TSGA10: variants seen among roughly 807,000 people sequenced by gnomAD.
TSGA10 encodes the protein testis specific 10.
In TSGA10, 43 loss-of-function variants were observed where a neutral mutation model predicts 96.6. The ratio of observed to expected loss-of-function variants is 0.44; its 90% CI spans 0.35 to 0.57. The LOEUF is 0.57. Among genes scored for constraint, TSGA10 ranks in the 20% least tolerant of loss-of-function variants. TSGA10 has a pLI of 0.01. For synonymous variants in TSGA10, 229 were observed against 269.9 expected (o/e 0.85, Z 1.48); for missense variants, 703 against 834.4 (o/e 0.84, Z 1.94).
chr2:99,118,604 A>C lies in TSGA10; in HGVS notation c.-409T>G. 1.0e-6 allele frequency: 1 copy of C among 984,584 alleles called. No homozygotes were observed. Among genetic ancestry groups the C allele is most frequent in the Non-Finnish European group, 1.2e-6 (1 of 829,264 alleles). The allele number at this position is 984,584 out of a possible 1,614,324, so 61.0% of individuals were successfully genotyped here. A position where few individuals can be genotyped will look rare whatever the true frequency, so the allele number is the denominator to read the frequency against. On this transcript the variant is annotated 5_prime_UTR_variant, in exon 3 of 21. Coordinates refer to ENST00000393483, the MANE Select transcript of TSGA10 (RefSeq NM_025244.4). ...AGTATTTGCTGCCTAATGTGGAGGAACACAGCTTTCCTTCCCAGCCCACTA... is the reference window on the plus strand; with the variant it reads ...AGTATTTGCTGCCTAATGTGGAGGACCACAGCTTTCCTTCCCAGCCCACTA...
chr2:99,087,559 A>G (rs928656544), intron 10 of TSGA10, among the ~76,000 whole-genome samples: 1 of 152,136 alleles, frequency 6.6e-6, no homozygotes, highest in African/African-American at 2.4e-5. Context: ...ATGGTAGCGC[A>G]TACCTTTACT....
chr2:99,018,428 C>A, intron 19 of TSGA10, 79 bp from the exon 20 acceptor site: 4 of 1,575,274 alleles, frequency 2.5e-6, no homozygotes, highest in Non-Finnish European at 3.5e-6. Context: ...TCAATTCATA[C>A]TTGAAAATCT....
Position 99,117,674 on chromosome 2 carries a change from A to G in TSGA10, c.-270T>C, listed in dbSNP as rs1031781323. ...CTCATTGTGGCTGGTTAAATCATCT[A>G]CTTGACTGCTTACCACCTCCTTACT... On this transcript the variant is annotated 5_prime_UTR_variant, in exon 4 of 21. Transcript: ENST00000393483. The G allele has an allele frequency of 1.0e-5, 10 of 985,760 alleles. No homozygotes were observed. Among genetic ancestry groups the G allele is most frequent in the Non-Finnish European group, 1.1e-5 (9 of 829,872 alleles). 61.1% of individuals were successfully genotyped at this position (985,760 alleles called of 1,614,324 possible).
chr2:99,078,549 A>C, intron 12 of TSGA10, 110 bp downstream of exon 12: 1 of 1,166,274 alleles, frequency 8.6e-7, no homozygotes, highest in Non-Finnish European at 1.2e-6. Context: ...CTAGAAAAAC[A>C]TTTGAGAAAA....
chr2:99,037,522 G>A (rs1401945899), intron 16 of TSGA10, among the ~76,000 whole-genome samples: 1 of 152,156 alleles, frequency 6.6e-6, no homozygotes, highest in East Asian at 1.9e-4. Flanking sequence ...TTATAGCACT[G>A]AGTGCATATA....
chr2:99,046,530 C>A (rs2082791346), intron 16 of TSGA10, among the ~76,000 whole-genome samples: 1 of 152,058 alleles, frequency 6.6e-6, no homozygotes, highest in South Asian at 2.1e-4. Flanking sequence ...CCAATGAGAA[C>A]AAAGACACAA....
intron 16 of TSGA10, 28 bp downstream of exon 16, chr2:99,064,911 T>C (rs1243996854): frequency 4.6e-6 from 7 of 1,533,970 alleles, no homozygotes; most frequent in Non-Finnish European, 6.1e-6. Context: ...ATGCAGGATG[T>C]ATTATAAGCA....
At chr2:99,035,190 G>A in intron 17 of TSGA10, 40 bp downstream of exon 17, 1 of 1,443,162 alleles carries the variant, frequency 6.9e-7, no homozygotes, top group Non-Finnish European at 9.4e-7. Flanking sequence ...TAACTTTACA[G>A]TAATAGCAAT....
intron 1 of TSGA10, among the ~76,000 whole-genome samples, chr2:99,138,611 C>A (rs893505270): frequency 6.6e-6 from 1 of 152,182 alleles, no homozygotes; most frequent in Non-Finnish European, 1.5e-5. Context: ...TTTTAGGAAG[C>A]ATGATTGTGA....
chr2:99,019,508 C>T (rs1048087031), intron 18 of TSGA10, among the ~76,000 whole-genome samples: 1 of 152,176 alleles, frequency 6.6e-6, no homozygotes, highest in African/African-American at 2.4e-5. Context: ...CTGAAGGAAA[C>T]TGGCCCTGGC....
intron 14 of TSGA10, among the ~76,000 whole-genome samples, chr2:99,070,484 T>G (rs1414989943): frequency 1.3e-5 from 2 of 152,174 alleles, no homozygotes; most frequent in Non-Finnish European, 2.9e-5. Context: ...TTAAGTGCAC[T>G]GTATAGCAAT....
At chr2:99,111,215 G>A (rs1438337566) in intron 4 of TSGA10, among the ~76,000 whole-genome samples, 1 of 151,996 alleles carries the variant, frequency 6.6e-6, no homozygotes, top group Non-Finnish European at 1.5e-5. Flanking sequence ...CAATTCTGAA[G>A]ATAATAGGAA....
chr2:99,034,362 A>C (rs1349893125), intron 17 of TSGA10, among the ~76,000 whole-genome samples: 1 of 152,074 alleles, frequency 6.6e-6, no homozygotes. Flanking sequence ...AGATCATGCC[A>C]CTGCACTCCA....
chr2:99,028,651 T>A (rs898499294), intron 17 of TSGA10, among the ~76,000 whole-genome samples: 9 of 142,038 alleles, frequency 6.3e-5, no homozygotes, highest in East Asian at 2.5e-4. Flanking sequence ...ATCACCACCA[T>A]TCTACTCTCT....
intron 10 of TSGA10, among the ~76,000 whole-genome samples, chr2:99,093,642 C>T (rs1446843340): frequency 1.3e-5 from 2 of 151,182 alleles, no homozygotes; most frequent in Non-Finnish European, 2.9e-5. Context: ...AACTCAACAC[C>T]TTTTTTAATA....
At chr2:99,074,363 T>TGTGTGTGTGTGTGTGTGTGTGTGC (rs2086417361) in intron 12 of TSGA10, among the ~76,000 whole-genome samples, 1 of 151,700 alleles carries the variant, frequency 6.6e-6, no homozygotes, top group Non-Finnish European at 1.5e-5. Context: ...TGTGTGTGTG[T>TGTGTGTGTGTGTGTGTGTGTGTGC]GTGTGTGTGT....
At chr2:99,029,429 A>G (rs1472388595) in intron 17 of TSGA10, among the ~76,000 whole-genome samples, 6 of 152,160 alleles carry the variant, frequency 3.9e-5, no homozygotes, top group Admixed American at 3.9e-4. Context: ...ATTTAAAAAA[A>G]AAGAAAAGCA....
Position 99,006,550 on chromosome 2 carries a change from A to G in TSGA10, c.2073-8329T>C, listed in dbSNP as rs560130254. On this transcript the variant is annotated intron_variant, in intron 20 of 20. Transcript: ENST00000393483. ...CCAAAAGACACATGAAAAAATGCTC[A>G]TCATCACTGGCCATCAGAGAAATGC... Among the ~76,000 whole-genome samples the G allele has an allele frequency of 2.0e-5, 3 of 152,358 alleles. No homozygotes were observed. In the South Asian group the frequency reaches 6.2e-4, roughly 32 times the overall value.
intron 7 of TSGA10, among the ~76,000 whole-genome samples, chr2:99,108,023 C>G (rs2091496843): frequency 2.6e-5 from 4 of 152,156 alleles, no homozygotes. Flanking sequence ...TTCCTTCTAG[C>G]CCCTTTCAGG....
Sources: gnomAD v4.1 joint callset for allele counts (sites outside exome capture counted in the v4.1 genomes callset) on GRCh38, gnomAD v4.1.1 for gene constraint, MANE v1.5 for transcripts, NCBI Gene and HGNC (gene_info 2026-07-23, HGNC 2026-07-21) for gene names.